Variants in MGAT4C observed in about 807,000 individuals in gnomAD.
MGAT4C encodes alpha-1,3-mannosyl-glycoprotein 4-beta-N-acetylglucosaminyltransferase C.
In MGAT4C, 19 loss-of-function variants were observed where a neutral mutation model predicts 40.1. That is an observed-to-expected ratio of 0.47 (90% CI 0.33 to 0.70). MGAT4C has a LOEUF of 0.70. Ranked by LOEUF, MGAT4C falls within the 30% of genes least tolerant of loss-of-function variation. The pLI is 0.02. For synonymous variants in MGAT4C, 181 were observed against 187.1 expected (o/e 0.97, Z 0.27); for missense variants, 491 against 563.2 (o/e 0.87, Z 1.30).
chr12:86,444,336 T>C (rs1010985027), intron 2 of MGAT4C, among the ~76,000 whole-genome samples: 1 of 152,198 alleles, frequency 6.6e-6, no homozygotes, highest in Non-Finnish European at 1.5e-5. Context: ...ATAATATGTT[T>C]GGAGTATTTC....
At chr12:86,467,056 T>C (rs893969170) in intron 2 of MGAT4C, among the ~76,000 whole-genome samples, 1 of 152,128 alleles carries the variant, frequency 6.6e-6, no homozygotes, top group Non-Finnish European at 1.5e-5. Flanking sequence ...GCATATAATA[T>C]AGAAGACTAG....
intron 1 of MGAT4C, among the ~76,000 whole-genome samples, chr12:86,252,663 C>T (rs115817643): frequency 2.8e-3 from 422 of 151,862 alleles, no homozygotes; most frequent in African/African-American, 9.7e-3. Flanking sequence ...CTTGTTCAAA[C>T]ACAAACTACT....
At chr12:86,366,786 TA>T (rs1440015039) in intron 3 of MGAT4C, among the ~76,000 whole-genome samples, 2 of 152,144 alleles carry the variant, frequency 1.3e-5, no homozygotes, top group African/African-American at 4.8e-5. Context: ...AATGCAAAGA[TA>T]ATTCACTATT....
At chr12:86,583,116 A>T (rs2136436114) in intron 2 of MGAT4C, among the ~76,000 whole-genome samples, 1 of 151,442 alleles carries the variant, frequency 6.6e-6, no homozygotes, top group African/African-American at 2.4e-5. Context: ...TTAGAAAATT[A>T]AAATCAGAAT....
rs193079337 is a variant in MGAT4C, at chr12:85,997,942, C to A, written c.-6-8390G>T. ...CCAGTAGGGACTCAGTGTGGGGGCT[C>A]TGACCCCACATTTCCCTTCTGCACT... is the stretch of plus-strand genomic sequence containing the variant. On this transcript the variant is annotated intron_variant, in intron 2 of 4. Transcript: ENST00000611864. Among the ~76,000 whole-genome samples the A allele has an allele frequency of 2.7e-3, 412 of 152,336 alleles. 4 individuals are homozygous for A. The highest frequency in any genetic ancestry group is 9.5e-3 in the African/African-American group (396 of 41,584).
chr12:85,979,734 T>C lies in MGAT4C; in HGVS notation c.992A>G (p.Glu331Gly), dbSNP rs1278966000. 6.2e-7 allele frequency: 1 copy of C among 1,613,370 alleles called. No homozygotes were observed. The highest frequency in any genetic ancestry group is 8.5e-7 in the Non-Finnish European group (1 of 1,179,782). Reference protein sequence around the residue: ...TENKLKDDDFEEESFDIPDNP... With the variant: ...TENKLKDDDFGEESFDIPDNP... ...ATCAGGAATGTCAAATGACTCCTCT[T>C]CAAAATCATCATCCTTCAGCTTATT... The change falls in exon 5 of 5, where the codon GAA becomes GGA. Residue 331 changes from glutamate (E) to glycine (G), a missense_variant. By Grantham distance (98) the Glu-to-Gly change is moderately conservative. Coordinates refer to ENST00000611864, the MANE Select transcript of MGAT4C (RefSeq NM_001351288.2).
chr12:86,110,785 C>T (rs1477010719), intron 1 of MGAT4C, among the ~76,000 whole-genome samples: 1 of 151,636 alleles, frequency 6.6e-6, no homozygotes, highest in Non-Finnish European at 1.5e-5. Flanking sequence ...ATAAGAATTA[C>T]AGTTACATTA....
chr12:86,370,253 T>G (rs964470849), intron 3 of MGAT4C, among the ~76,000 whole-genome samples: 3 of 151,964 alleles, frequency 2.0e-5, no homozygotes, highest in Non-Finnish European at 4.4e-5. Context: ...CATTATGAAA[T>G]GGAAAAATAG....
intron 2 of MGAT4C, among the ~76,000 whole-genome samples, chr12:86,636,887 T>C (rs1031365133): frequency 4.6e-5 from 7 of 151,992 alleles, no homozygotes; most frequent in Admixed American, 1.3e-4. Context: ...ATTTCACACT[T>C]ATTTGCTGTA....
At chr12:86,615,929 C>T (rs1384409200) in intron 2 of MGAT4C, among the ~76,000 whole-genome samples, 1 of 152,018 alleles carries the variant, frequency 6.6e-6, no homozygotes, top group African/African-American at 2.4e-5. Flanking sequence ...TCTTGCAAAA[C>T]TGGAGAAGCA....
chr12:86,330,386 G>A (rs1954636331), intron 4 of MGAT4C, among the ~76,000 whole-genome samples: 1 of 152,148 alleles, frequency 6.6e-6, no homozygotes, highest in African/African-American at 2.4e-5. Flanking sequence ...AGGCTCCTGT[G>A]TCATGTAAAA....
intron 3 of MGAT4C, among the ~76,000 whole-genome samples, chr12:86,403,868 T>G (rs1956415536): frequency 6.6e-6 from 1 of 152,156 alleles, no homozygotes; most frequent in Non-Finnish European, 1.5e-5. Flanking sequence ...TTAAATAAAA[T>G]GTATTAAAAA....
chr12:86,103,531 C>T (rs1465291717), intron 1 of MGAT4C, among the ~76,000 whole-genome samples: 1 of 152,122 alleles, frequency 6.6e-6, no homozygotes, highest in Non-Finnish European at 1.5e-5. Context: ...GTAGGGAGTG[C>T]CACCTTGCTG....
intron 2 of MGAT4C, among the ~76,000 whole-genome samples, chr12:86,665,638 G>A (rs952389291): frequency 1.3e-5 from 2 of 151,968 alleles, no homozygotes; most frequent in African/African-American, 4.8e-5. Flanking sequence ...CCCAAAGTAC[G>A]GGGATTACAG....
At chr12:86,290,430 G>T (rs1471990758) in intron 4 of MGAT4C, among the ~76,000 whole-genome samples, 1 of 151,830 alleles carries the variant, frequency 6.6e-6, no homozygotes, top group Non-Finnish European at 1.5e-5. Flanking sequence ...ATCACGGAGG[G>T]TTTGAGATTT....
chr12:86,684,699 T>C (rs1317297252), intron 2 of MGAT4C, among the ~76,000 whole-genome samples: 4 of 152,166 alleles, frequency 2.6e-5, no homozygotes, highest in Non-Finnish European at 4.4e-5. Context: ...ATCTGTTGTT[T>C]CCTGACTTTT....
rs1883558269 is a variant in MGAT4C at position 85,970,303 on chromosome 12, A to G, written c.*8986T>C. On this transcript the variant is annotated 3_prime_UTR_variant, in exon 5 of 5. Transcript: ENST00000611864. Reference sequence around the variant, plus strand: ...TTCTTATTTAGTCTAGTAGATTGACAGGCAGTTTTATTAAGAAATGAATCA... The same window carrying G: ...TTCTTATTTAGTCTAGTAGATTGACGGGCAGTTTTATTAAGAAATGAATCA... The G allele has an allele frequency of 6.6e-6, 1 of 151,356 alleles. No individual in the cohort carries two copies. Among genetic ancestry groups the G allele is most frequent in the South Asian group, 2.1e-4 (1 of 4,832 alleles). The allele number at this position is 151,356 out of a possible 1,614,324, so 9.4% of individuals were successfully genotyped here.
Position 86,343,833 on chromosome 12 carries a change from T to C in MGAT4C, c.-119-9706A>G, listed in dbSNP as rs995666116. Among the ~76,000 whole-genome samples the C allele has an allele frequency of 4.5e-4, 69 of 152,154 alleles. 1 individual carries two copies. Among genetic ancestry groups the C allele is most frequent in the African/African-American group, 1.2e-3 (48 of 41,422 alleles). On this transcript the variant is annotated intron_variant, in intron 3 of 7. Transcript: ENST00000548651. Reference sequence around the variant, plus strand: ...GTAAAAAACTATTGAAGTTAAGCCATAGCAGCAGGAAAGCTTTTTTTTTCT... The same window carrying C: ...GTAAAAAACTATTGAAGTTAAGCCACAGCAGCAGGAAAGCTTTTTTTTTCT...
intron 1 of MGAT4C, among the ~76,000 whole-genome samples, chr12:86,821,746 C>T (rs1253468374): frequency 6.6e-6 from 1 of 150,862 alleles, no homozygotes; most frequent in Non-Finnish European, 1.5e-5. Flanking sequence ...GGTTTGGATA[C>T]TTGACATTTA....
Sources: allele counts gnomAD v4.1 joint callset (sites outside exome capture counted in the v4.1 genomes callset), GRCh38; gene constraint gnomAD v4.1.1; transcripts MANE v1.5; gene names NCBI Gene and HGNC (gene_info 2026-07-23, HGNC 2026-07-21).